Variants in NECAB2 observed in about 807,000 individuals in gnomAD.
NECAB2 encodes N-terminal EF-hand calcium binding protein 2.
In NECAB2, 68 loss-of-function variants were observed where a neutral mutation model predicts 51.9. That is an observed-to-expected ratio of 1.31 (90% CI 1.08 to 1.60). The LOEUF is 1.60. NECAB2 is among the 40% of genes most tolerant of loss of function. The probability of loss-of-function intolerance (pLI) is 0.00; values close to 1 mark genes in which losing one functional copy is unlikely to be tolerated. For synonymous variants in NECAB2, 329 were observed against 203.5 expected, an observed-to-expected ratio of 1.62 and a Z score of -5.25; for missense variants, 854 against 490.3, an observed-to-expected ratio of 1.74 and a Z score of -7.00.
At chr16:83,994,450 T>A in intron 7 of NECAB2, 30 bp downstream of exon 7, 1 of 1,610,148 alleles carries the variant, frequency 6.2e-7, no homozygotes, top group Non-Finnish European at 8.5e-7. Context: ...CTGGTGGGGG[T>A]ACCAGCTGGG....
At chr16:83,992,091 C>G (rs1158906007) in intron 6 of NECAB2, among the ~76,000 whole-genome samples, 1 of 151,810 alleles carries the variant, frequency 6.6e-6, no homozygotes, top group Non-Finnish European at 1.5e-5. Context: ...AATCCTGAGG[C>G]TTGCCACCTC....
At chr16:83,983,585 C>T (rs919610712) in intron 5 of NECAB2, among the ~76,000 whole-genome samples, 10 of 152,206 alleles carry the variant, frequency 6.6e-5, no homozygotes, top group African/African-American at 2.2e-4. Context: ...TTTAAATGAT[C>T]ATATGATTTT....
intron 2 of NECAB2, among the ~76,000 whole-genome samples, chr16:83,977,650 G>A (rs1017436257): frequency 3.3e-5 from 5 of 152,132 alleles, no homozygotes; most frequent in African/African-American, 4.8e-5. Context: ...TGGCCAGAGC[G>A]TTGGCACCTC....
chr16:83,999,189 G>T (rs1052928045), intron 10 of NECAB2, among the ~76,000 whole-genome samples: 2 of 152,324 alleles, frequency 1.3e-5, no homozygotes, highest in East Asian at 1.9e-4. Flanking sequence ...ACGAGGGGAG[G>T]AGTAGCCTGG....
chr16:83,986,329 C>G (rs377584127), intron 5 of NECAB2, among the ~76,000 whole-genome samples: 3 of 152,204 alleles, frequency 2.0e-5, no homozygotes, highest in East Asian at 1.9e-4. Flanking sequence ...AAGATTTTCT[C>G]TAACTCAATA....
intron 3 of NECAB2, among the ~76,000 whole-genome samples, chr16:83,978,869 G>T (rs553874615): frequency 4.6e-5 from 7 of 152,184 alleles, no homozygotes; most frequent in African/African-American, 1.7e-4. Context: ...GCCATCTTCA[G>T]CCAGCAGCCA....
At chr16:83,986,994 G>C (rs1455178605) in intron 5 of NECAB2, among the ~76,000 whole-genome samples, 1 of 152,106 alleles carries the variant, frequency 6.6e-6, no homozygotes, top group Non-Finnish European at 1.5e-5. Context: ...ACATACCCAT[G>C]TAACAAACAG....
rs141575925 is a variant in NECAB2 at position 83,994,535 on chromosome 16, G to A, written c.716-74G>A. 1.2e-5 allele frequency: 19 copies of A among 1,602,492 alleles called. No individual in the cohort carries two copies. The Admixed American group carries it at 2.7e-4, about 23-fold the overall frequency. ...AAGTTTGATGCCCCTGGAGGGGCTG[G>A]ATGTTTCCAGCTTCCCCCCGAAGCC... is the stretch of plus-strand genomic sequence containing the variant. On this transcript the variant is annotated intron_variant, in intron 7 of 12. Transcript: ENST00000305202.
chr16:83,966,882 TTTTC>T (rs888825836), upstream of NECAB2, among the ~76,000 whole-genome samples: 4 of 152,292 alleles, frequency 2.6e-5, no homozygotes, highest in Admixed American at 1.3e-4. Flanking sequence ...TGCAGTTTTT[TTTTC>T]TTTTTTTTGA....
chr16:83,975,784 CAG>C (rs768080485), intron 2 of NECAB2, among the ~76,000 whole-genome samples: 5 of 152,106 alleles, frequency 3.3e-5, no homozygotes, highest in African/African-American at 9.7e-5. Context: ...GTCATGGAGA[CAG>C]AGAGTGAGTT....
upstream of NECAB2, among the ~76,000 whole-genome samples, chr16:83,967,790 C>A (rs2084303066): frequency 1.6e-5 from 1 of 62,330 alleles, no homozygotes; most frequent in African/African-American, 6.9e-5. Flanking sequence ...TGGATGGATG[C>A]CAGGGAGGGA....
In NECAB2 at chr16:83,997,618, G is replaced by GTTGGGATTA. The variant is rs1445184873; in HGVS notation, c.849+349_849+350insTTGGGATTA. Among the ~76,000 whole-genome samples the GTTGGGATTA allele has an allele frequency of 2.0e-3, 299 of 150,712 alleles. 4 individuals carry two copies. The highest frequency in any genetic ancestry group is 6.9e-3 in the African/African-American group (282 of 41,004). ...TTCTCCTGCCTCAGCCTCCTGAGTAGCTGGGATTACAGGTGTGTGCCACCA... is the reference window on the plus strand; with the variant it reads ...TTCTCCTGCCTCAGCCTCCTGAGTAGTTGGGATTACTGGGATTACAGGTGTGTGCCACCA... On this transcript the variant is annotated intron_variant, in intron 9 of 12. Transcript: ENST00000305202.
At chr16:83,997,877 A>G (rs12926503) in intron 9 of NECAB2, among the ~76,000 whole-genome samples, 19,867 of 150,916 alleles carry the variant, frequency 0.13, 1,966 homozygotes, top group African/African-American at 0.29. Flanking sequence ...TGCTGAGTCC[A>G]TCAACTATGA....
At position 83,988,126 on chromosome 16, in the gene NECAB2, C is replaced by T. The variant is rs184894741; in HGVS notation, c.460-2368C>T. On this transcript the variant is annotated intron_variant, in intron 5 of 12. Transcript: ENST00000305202. ...CCTTTGTGCTGCTTTGGTTTAGGTG[C>T]GCTTCTGATGGACCTTGTTTAATCA... 3.2e-3 allele frequency among the ~76,000 whole-genome samples: 483 copies of T among 152,270 alleles called. 3 individuals are homozygous for T. The highest frequency in any genetic ancestry group is 0.02 in the Middle Eastern group (6 of 294).
At chr16:83,970,154 T>TG (rs1291214272) in intron 1 of NECAB2, among the ~76,000 whole-genome samples, 3 of 151,368 alleles carry the variant, frequency 2.0e-5, no homozygotes, top group African/African-American at 7.3e-5. Flanking sequence ...CCAGTCAGGG[T>TG]GGGGGCTCTG....
At chr16:83,965,836 C>T (rs149045792), upstream of NECAB2, 16 of 1,612,922 alleles carry the variant, frequency 9.9e-6, no homozygotes, top group East Asian at 4.5e-5. Context: ...AGCCGCTGAG[C>T]GCCAAGAGGA....
chr16:83,996,391 C>A (rs555887776), intron 8 of NECAB2, among the ~76,000 whole-genome samples: 2 of 152,188 alleles, frequency 1.3e-5, no homozygotes, highest in African/African-American at 2.4e-5. Context: ...AGGTCCCTTG[C>A]TCAAACATTT....
intron 1 of NECAB2, among the ~76,000 whole-genome samples, chr16:83,969,385 C>G (rs2084324352): frequency 1.3e-5 from 2 of 152,076 alleles, no homozygotes; most frequent in Admixed American, 6.6e-5. Flanking sequence ...AGTGAAGCCC[C>G]CTCCCCACCT....
chr16:83,997,382 G>C (rs1214548999), intron 9 of NECAB2, 113 bp downstream of exon 9: 22 of 1,379,048 alleles, frequency 1.6e-5, no homozygotes, highest in Non-Finnish European at 2.2e-5. Context: ...GGGACCACCA[G>C]GAGGGGAGAT....
Sources: allele counts gnomAD v4.1 joint callset (sites outside exome capture counted in the v4.1 genomes callset), GRCh38; gene constraint gnomAD v4.1.1; transcripts MANE v1.5; gene names NCBI Gene and HGNC (gene_info 2026-07-23, HGNC 2026-07-21).